CFAP61: variants seen among roughly 807,000 people sequenced by gnomAD.
CFAP61 encodes cilia- and flagella-associated protein 61.
CFAP61 carries 107 observed loss-of-function variants against 135.6 expected under a neutral mutation model. The ratio of observed to expected loss-of-function variants is 0.79; its 90% CI spans 0.67 to 0.93. The LOEUF (loss-of-function observed/expected upper bound fraction) is 0.93. CFAP61 is among the 40% of genes least tolerant of loss of function. The probability of loss-of-function intolerance (pLI) is 0.00; values close to 1 mark genes in which losing one functional copy is unlikely to be tolerated. For synonymous variants in CFAP61, 575 were observed against 578.5 expected (o/e 0.99, Z 0.09); for missense variants, 1,507 against 1,556.2 (o/e 0.97, Z 0.53).
intron 13 of CFAP61, among the ~76,000 whole-genome samples, chr20:20,176,626 C>T (rs987536849): frequency 6.6e-6 from 1 of 152,114 alleles, no homozygotes; most frequent in East Asian, 1.9e-4. Context: ...AAACACCGCA[C>T]GTTCTCACTT....
chr20:20,100,475 A>G (rs1160648676), intron 8 of CFAP61, among the ~76,000 whole-genome samples: 2 of 152,174 alleles, frequency 1.3e-5, no homozygotes, highest in Non-Finnish European at 2.9e-5. Context: ...ACTTGGCCCT[A>G]AATAGCCTTT....
At position 20,277,413 on chromosome 20, in the gene CFAP61, C is replaced by T. The variant is rs748575544; in HGVS notation, c.2751C>T (p.Ser917=). Residue 917 remains serine (S), a synonymous_variant, in exon 22 of 27, where the codon AGC becomes AGT. Transcript: ENST00000245957. ...NDGLHPDPIY[S]ASFTTPTKPF... ...GCCTGCACCCAGACCCCATCTACAG[C>T]GCCTCCTTCACCACACCCACCAAGC... is the stretch of plus-strand genomic sequence containing the variant. 5 of 1,613,698 alleles carry T rather than the reference C, an allele frequency of 3.1e-6. No homozygotes were observed. Among genetic ancestry groups the T allele is most frequent in the Admixed American group, 3.3e-5 (2 of 59,990 alleles).
rs532603919 is a variant in CFAP61 at position 20,215,231 on chromosome 20, A to C, written c.1933-13018A>C. On this transcript the variant is annotated intron_variant, in intron 17 of 26. Transcript: ENST00000245957. ...CTCCCACACGGGAAGCCTCATGTCAAAGCAGCCACTGGCTTCTCTGCCTTC... is the reference window on the plus strand; with the variant it reads ...CTCCCACACGGGAAGCCTCATGTCACAGCAGCCACTGGCTTCTCTGCCTTC... The C allele has an allele frequency of 3.9e-5, 6 of 152,288 alleles. No individual in the cohort carries two copies. The South Asian group carries it at 6.2e-4, about 16-fold the overall frequency. The allele number at this position is 152,288 out of a possible 1,614,324, so 9.4% of individuals were successfully genotyped here. A position where few individuals can be genotyped will look rare whatever the true frequency, so the allele number is the denominator to read the frequency against.
chr20:20,235,288 C>T (rs935620072), intron 18 of CFAP61, among the ~76,000 whole-genome samples: 3 of 152,110 alleles, frequency 2.0e-5, no homozygotes, highest in Non-Finnish European at 4.4e-5. Context: ...CTCTCAGGAG[C>T]CTCTCAGTTT....
chr20:20,116,373 GTGGATTGTC>G (rs1162008203), intron 8 of CFAP61, among the ~76,000 whole-genome samples: 2 of 152,106 alleles, frequency 1.3e-5, no homozygotes, highest in Admixed American at 1.3e-4. Context: ...CTCCCATCCT[GTGGATTGTC>G]TTTTCACTTT....
At chr20:20,191,486 G>A in intron 15 of CFAP61, 67 bp downstream of exon 15, 1 of 1,159,098 alleles carries the variant, frequency 8.6e-7, no homozygotes, top group Non-Finnish European at 1.3e-6. Context: ...AGCCCACAGT[G>A]CCCCTTTTGG....
chr20:20,234,554 G>A (rs542622546), intron 18 of CFAP61, among the ~76,000 whole-genome samples: 104 of 152,254 alleles, frequency 6.8e-4, no homozygotes, highest in Non-Finnish European at 1.4e-3. Context: ...AAAAGAGATG[G>A]CATTTAAGGA....
chr20:20,286,412 A>G (rs977039093), intron 22 of CFAP61, among the ~76,000 whole-genome samples: 2 of 152,204 alleles, frequency 1.3e-5, no homozygotes, highest in African/African-American at 4.8e-5. Flanking sequence ...TTTCACCAAG[A>G]TGTTCTGGAG....
intron 17 of CFAP61, among the ~76,000 whole-genome samples, chr20:20,209,784 G>T (rs922447726): frequency 6.6e-6 from 1 of 152,206 alleles, no homozygotes; most frequent in African/African-American, 2.4e-5. Flanking sequence ...CATGGACATG[G>T]AATGTCATGG....
intron 13 of CFAP61, among the ~76,000 whole-genome samples, chr20:20,182,320 A>G (rs6046707): frequency 0.9 from 137,208 of 151,912 alleles, 62,794 homozygotes; most frequent in Middle Eastern, 0.99. Flanking sequence ...ATAAAATAGT[A>G]TGCATCCTTA....
At chr20:20,081,290 T>G (rs896963652) in intron 6 of CFAP61, among the ~76,000 whole-genome samples, 14 of 152,230 alleles carry the variant, frequency 9.2e-5, no homozygotes, top group Admixed American at 1.3e-4. Flanking sequence ...AGTATTTTCT[T>G]AAGTTTTAGT....
At chr20:20,096,336 C>T (rs2047566931) in intron 7 of CFAP61, among the ~76,000 whole-genome samples, 1 of 152,122 alleles carries the variant, frequency 6.6e-6, no homozygotes, top group South Asian at 2.1e-4. Flanking sequence ...TGTTACAACC[C>T]TGGATGAATG....
At chr20:20,166,617 C>A (rs965018864) in intron 12 of CFAP61, among the ~76,000 whole-genome samples, 181 bp downstream of exon 12, 6 of 152,156 alleles carry the variant, frequency 3.9e-5, no homozygotes, top group African/African-American at 1.4e-4. Flanking sequence ...ATTTTTAAGT[C>A]ATGCTATTTT....
At chr20:20,197,934 A>G (rs988578369) in intron 16 of CFAP61, among the ~76,000 whole-genome samples, 5 of 152,226 alleles carry the variant, frequency 3.3e-5, no homozygotes, top group African/African-American at 1.2e-4. Flanking sequence ...TATTATTAAT[A>G]TGTCTATTTA....
intron 18 of CFAP61, among the ~76,000 whole-genome samples, chr20:20,243,106 T>C (rs1266142823): frequency 6.6e-6 from 1 of 152,140 alleles, no homozygotes; most frequent in Non-Finnish European, 1.5e-5. Flanking sequence ...CTCACAATCA[T>C]GGTGGAAGGC....
At chr20:20,245,620 G>A (rs1046078551) in intron 18 of CFAP61, among the ~76,000 whole-genome samples, 7 of 152,014 alleles carry the variant, frequency 4.6e-5, no homozygotes, top group African/African-American at 1.5e-4. Flanking sequence ...AATGGTCTTC[G>A]CAAATTACTT....
chr20:20,209,422 GA>G (rs1320786450), intron 17 of CFAP61, among the ~76,000 whole-genome samples: 2 of 152,170 alleles, frequency 1.3e-5, no homozygotes, highest in Admixed American at 1.3e-4. Context: ...ATTTGAAAAT[GA>G]AAACTTGTGA....
intron 16 of CFAP61, 144 bp from the exon 17 acceptor site, chr20:20,199,624 G>A: frequency 1.3e-6 from 1 of 769,110 alleles, no homozygotes. Flanking sequence ...TGCTCGAAGA[G>A]TATGTTTGTT....
chr20:20,346,370 T>C (rs2058636362), intron 26 of CFAP61, among the ~76,000 whole-genome samples: 1 of 151,022 alleles, frequency 6.6e-6, no homozygotes, highest in African/African-American at 2.4e-5. Flanking sequence ...TACAAAAAAC[T>C]AGCTGGGCAT....
Sources: allele counts gnomAD v4.1 joint callset (sites outside exome capture counted in the v4.1 genomes callset), GRCh38; gene constraint gnomAD v4.1.1; transcripts MANE v1.5; gene names NCBI Gene and HGNC (gene_info 2026-07-23, HGNC 2026-07-21).